NDFIP1: variants seen among roughly 807,000 people sequenced by gnomAD.
NDFIP1 encodes the protein NEDD4 family-interacting protein 1.
A neutral mutation model predicts 28.8 loss-of-function variants in NDFIP1; 7 were observed. The ratio of observed to expected loss-of-function variants is 0.24; its 90% CI spans 0.14 to 0.46. NDFIP1 has a LOEUF of 0.46. Ranked by LOEUF, NDFIP1 falls within the 20% of genes least tolerant of loss-of-function variation. The pLI is 0.99. For missense variants in NDFIP1, 194 were observed against 269.1 expected, an observed-to-expected ratio of 0.72 and a Z score of 1.95; for synonymous variants, 92 against 101.0, an observed-to-expected ratio of 0.91 and a Z score of 0.53.
intron 1 of NDFIP1, among the ~76,000 whole-genome samples, chr5:142,122,097 T>G (rs10051379): frequency 0.26 from 39,761 of 152,182 alleles, 5,554 homozygotes; most frequent in South Asian, 0.42. Flanking sequence ...TGCAGCTCAA[T>G]GAATTTTCAC....
At chr5:142,145,900 C>T (rs777080306) in intron 7 of NDFIP1, among the ~76,000 whole-genome samples, 9 of 152,128 alleles carry the variant, frequency 5.9e-5, no homozygotes, top group East Asian at 3.9e-4. Flanking sequence ...ATATACTAAT[C>T]GTGAGGTTCT....
chr5:142,146,869 A>AT (rs1288391939), intron 7 of NDFIP1, among the ~76,000 whole-genome samples: 2 of 152,044 alleles, frequency 1.3e-5, no homozygotes, highest in Non-Finnish European at 2.9e-5. Flanking sequence ...TATTGTTTGG[A>AT]TTTTCTAAAA....
chr5:142,125,512 G>A (rs970625786), intron 1 of NDFIP1, among the ~76,000 whole-genome samples: 9 of 151,994 alleles, frequency 5.9e-5, no homozygotes, highest in African/African-American at 1.7e-4. Context: ...CAGGTGTGCC[G>A]CCATGCCTGG....
intron 3 of NDFIP1, 114 bp downstream of exon 3, chr5:142,132,456 AT>A: frequency 7.6e-7 from 1 of 1,312,622 alleles, no homozygotes. Context: ...AGTAGAGCTA[AT>A]TTTAAAAATC....
At chr5:142,113,078 G>C (rs910051729) in intron 1 of NDFIP1, among the ~76,000 whole-genome samples, 1 of 152,198 alleles carries the variant, frequency 6.6e-6, no homozygotes, top group Non-Finnish European at 1.5e-5. Flanking sequence ...TTCAATGTAA[G>C]TGGGTGATGA....
intron 1 of NDFIP1, among the ~76,000 whole-genome samples, chr5:142,111,457 C>T (rs558797316): frequency 1.3e-5 from 2 of 151,938 alleles, no homozygotes; most frequent in Non-Finnish European, 2.9e-5. Context: ...CAACCGTTTC[C>T]TTAGCATAAA....
intron 1 of NDFIP1, among the ~76,000 whole-genome samples, chr5:142,122,134 A>G (rs1405738761): frequency 6.6e-6 from 1 of 152,230 alleles, no homozygotes; most frequent in Non-Finnish European, 1.5e-5. Flanking sequence ...GCTAACTAGT[A>G]CTTAAATCCA....
chr5:142,112,791 A>G (rs1490153714), intron 1 of NDFIP1, among the ~76,000 whole-genome samples: 2 of 151,966 alleles, frequency 1.3e-5, no homozygotes, highest in East Asian at 3.9e-4. Context: ...GTCCAAAAAA[A>G]AAAAAAAGAG....
At chr5:142,125,221 G>A (rs983055848) in intron 1 of NDFIP1, among the ~76,000 whole-genome samples, 2 of 150,142 alleles carry the variant, frequency 1.3e-5, no homozygotes, top group South Asian at 2.1e-4. Flanking sequence ...ACATTTTGTC[G>A]ATCCCTTCGT....
intron 7 of NDFIP1, among the ~76,000 whole-genome samples, chr5:142,151,207 G>T (rs768346314): frequency 1.3e-5 from 2 of 152,202 alleles, no homozygotes; most frequent in Non-Finnish European, 2.9e-5. Flanking sequence ...AAAAGTATTT[G>T]TGGTACCTGT....
intron 2 of NDFIP1, 44 bp from the exon 3 acceptor site, chr5:142,132,168 A>G (rs1374477971): frequency 5.0e-6 from 8 of 1,599,682 alleles, no homozygotes; most frequent in Non-Finnish European, 6.8e-6. Context: ...TTTTATTTCA[A>G]TTCAGCTAAT....
rs191889385 is a variant in NDFIP1 at position 142,127,187 on chromosome 5, T to G, written c.64-4621T>G. Among the ~76,000 whole-genome samples, 154 of 152,262 alleles carry G rather than the reference T, an allele frequency of 1.0e-3. 2 individuals are homozygous for G. In the East Asian group the frequency reaches 0.028, roughly 27 times the overall value. Reference sequence around the variant, plus strand: ...CATGCCACCACACCTGGTTGATTTTTGTATTTTTAGTAGAGACGAGATTTT... The same window carrying G: ...CATGCCACCACACCTGGTTGATTTTGGTATTTTTAGTAGAGACGAGATTTT... On this transcript the variant is annotated intron_variant, in intron 1 of 7. Transcript: ENST00000253814.
intron 1 of NDFIP1, among the ~76,000 whole-genome samples, chr5:142,119,979 G>A (rs377133810): frequency 9.2e-5 from 14 of 152,224 alleles, no homozygotes; most frequent in African/African-American, 2.9e-4. Context: ...TTTTTGAGAC[G>A]GAGTCTCGCT....
At chr5:142,128,594 C>G (rs1374867829) in intron 1 of NDFIP1, among the ~76,000 whole-genome samples, 1 of 152,152 alleles carries the variant, frequency 6.6e-6, no homozygotes, top group African/African-American at 2.4e-5. Context: ...CCGCGATCCC[C>G]CTACATTGCA....
intron 7 of NDFIP1, among the ~76,000 whole-genome samples, chr5:142,148,476 C>T (rs945214323): frequency 1.2e-4 from 18 of 152,038 alleles, no homozygotes; most frequent in Admixed American, 7.9e-4. Context: ...CTGGGCCGGG[C>T]GCAGTGGCTC....
chr5:142,131,069 C>T (rs545777951), intron 1 of NDFIP1, among the ~76,000 whole-genome samples: 1 of 152,024 alleles, frequency 6.6e-6, no homozygotes, highest in East Asian at 1.9e-4. Context: ...ATCCTGCTGC[C>T]TCAGCCTCCT....
At chr5:142,119,197 C>G (rs1757098280) in intron 1 of NDFIP1, among the ~76,000 whole-genome samples, 4 of 152,164 alleles carry the variant, frequency 2.6e-5, no homozygotes, top group Admixed American at 2.6e-4. Context: ...TCACTCTAGC[C>G]TACTCCCCTT....
At chr5:142,138,175 T>G (rs1339055701) in intron 5 of NDFIP1, 1 of 176,008 alleles carries the variant, frequency 5.7e-6, no homozygotes, top group Non-Finnish European at 1.2e-5. Context: ...AGGAAGGATA[T>G]TACCCCTTTG....
chr5:142,134,454 G>A (rs1044925822), intron 3 of NDFIP1, among the ~76,000 whole-genome samples: 4 of 152,162 alleles, frequency 2.6e-5, no homozygotes, highest in East Asian at 1.9e-4. Flanking sequence ...ATAAAAATTC[G>A]TTTTTATAGA....
Sources: allele counts gnomAD v4.1 joint callset (sites outside exome capture counted in the v4.1 genomes callset), GRCh38; gene constraint gnomAD v4.1.1; transcripts MANE v1.5; gene names NCBI Gene and HGNC (gene_info 2026-07-23, HGNC 2026-07-21).